The following CASP10 variants were observed in gnomAD, a reference collection of about 807,000 sequenced individuals.
CASP10 encodes caspase 10.
In CASP10, 41 loss-of-function variants were observed where a neutral mutation model predicts 48.5. The ratio of observed to expected loss-of-function variants is 0.85; its 90% CI spans 0.66 to 1.10. CASP10 has a LOEUF of 1.10. Ranked by LOEUF, CASP10 falls within the 50% of genes least tolerant of loss-of-function variation. CASP10 has a pLI of 0.00. For synonymous variants in CASP10, 232 were observed against 238.4 expected (o/e 0.97, Z 0.25); for missense variants, 614 against 614.5 (o/e 1.00, Z 0.01).
Position 201,186,122 on chromosome 2 carries a change from T to C in CASP10, c.345T>C (p.Phe115=). The C allele has an allele frequency of 6.2e-7, 1 of 1,610,500 alleles. No homozygotes were observed. Among genetic ancestry groups the C allele is most frequent in the Non-Finnish European group, 8.5e-7 (1 of 1,178,732 alleles). The part of the protein sequence containing the change: ...LLPTRQRVSL[F]RNLLYELSEG... The stretch of plus-strand genomic sequence containing the variant: ...CCACCCGACAAAGGGTTTCTCTGTT[T>C]AGGTGAGGACGGGTCTGTGGTGGAG... The change falls in exon 2 of 10, where the codon TTT becomes TTC. Residue 115 remains phenylalanine, a splice_region_variant and synonymous_variant. Coordinates refer to ENST00000286186, the MANE Select transcript of CASP10 (RefSeq NM_032977.4).
At chr2:201,228,009 GGCT>G (rs978303879) in intron 9 of CASP10, among the ~76,000 whole-genome samples, 26 of 152,186 alleles carry the variant, frequency 1.7e-4, no homozygotes, top group African/African-American at 5.5e-4. Context: ...TATTGGATAA[GGCT>G]GCTATTTCAC....
chr2:201,221,721 A>C (rs1269335876), downstream of CASP10: 6 of 152,132 alleles, frequency 3.9e-5, no homozygotes, highest in Non-Finnish European at 5.9e-5. Flanking sequence ...CATCAGGAGC[A>C]TTTGGGGTTT....
chr2:201,213,565 G>A (rs1437420409), intron 9 of CASP10: 1 of 152,144 alleles, frequency 6.6e-6, no homozygotes, highest in African/African-American at 2.4e-5. Flanking sequence ...GGTAGGGCAA[G>A]GTTGGTGAGA....
In CASP10 at chr2:201,187,694, T is replaced by C. The variant is rs1944462410; in HGVS notation, c.348-12T>C. ...GTAAGGCTTTATTTGTCATTTTGGG[T>C]GTGTGTCTTAGAAACCTGCTCTACG... On this transcript the variant is annotated splice_polypyrimidine_tract_variant and intron_variant, in intron 2 of 9. Coordinates refer to ENST00000286186, the MANE Select transcript of CASP10 (RefSeq NM_032977.4). The C allele has an allele frequency of 6.2e-7, 1 of 1,600,264 alleles. No individual in the cohort carries two copies. Among genetic ancestry groups the C allele is most frequent in the South Asian group, 1.1e-5 (1 of 90,830 alleles).
chr2:201,217,970 G>A lies in CASP10; in HGVS notation c.*229G>A, dbSNP rs961494978. 1.3e-5 allele frequency: 15 copies of A among 1,197,008 alleles called. No individual in the cohort carries two copies. In the East Asian group the frequency reaches 4.8e-4, roughly 38 times the overall value. 74.1% of individuals were successfully genotyped at this position (1,197,008 alleles called of 1,614,324 possible). A position where few individuals can be genotyped will look rare whatever the true frequency, so the allele number is the denominator to read the frequency against. ...ATTCTGTCACCCAGACTGGAGTGCA[G>A]GGGGGCAATCACGGCTCACTGTAGT... On this transcript the variant is annotated 3_prime_UTR_variant, in exon 10 of 10. Coordinates refer to ENST00000286186, the MANE Select transcript of CASP10 (RefSeq NM_032977.4).
downstream of CASP10, among the ~76,000 whole-genome samples, chr2:201,224,612 C>G (rs368765280): frequency 6.6e-5 from 10 of 152,170 alleles, no homozygotes; most frequent in East Asian, 5.8e-4. Context: ...ATACATATTT[C>G]AGACAGGTAT....
Position 201,221,186 on chromosome 2 carries a change from CT to C in CASP10, c.*3446del, listed in dbSNP as rs1228395060. 7.1e-6 allele frequency: 7 copies of C among 985,310 alleles called. No individual in the cohort carries two copies. In the Admixed American group the frequency reaches 2.5e-4, roughly 35 times the overall value. The allele number at this position is 985,310 out of a possible 1,614,324, so 61.0% of individuals were successfully genotyped here. ...CGGCAACTCAGCACTAGCATTACCC[CT>C]GACATACTCTGAGTAAGATCTAATT... On this transcript the variant is annotated 3_prime_UTR_variant, in exon 10 of 10. Transcript: ENST00000286186.
chr2:201,186,050 G>A lies in CASP10; in HGVS notation c.273G>A (p.Leu91=), dbSNP rs767039731. 1.2e-6 allele frequency: 2 copies of A among 1,612,876 alleles called. No individual in the cohort carries two copies. The highest frequency in any genetic ancestry group is 1.7e-6 in the Non-Finnish European group (2 of 1,180,010). Residue 91 remains leucine, a synonymous_variant, in exon 2 of 10, where the codon CTG becomes CTA. Coordinates refer to ENST00000286186, the MANE Select transcript of CASP10 (RefSeq NM_032977.4). The stretch of plus-strand genomic sequence containing the variant: ...TCTATATCATACGGCAGAAGAAGCT[G>A]CTGCAGCACCTCAACTGTACCAAAG... ...ELLYIIRQKK[L]LQHLNCTKEE... is the part of the protein sequence containing the mutation.
chr2:201,209,994 C>A (rs1384774592), intron 9 of CASP10, among the ~76,000 whole-genome samples: 5 of 152,140 alleles, frequency 3.3e-5, no homozygotes, highest in African/African-American at 1.2e-4. Context: ...AGAATGAGTA[C>A]CTTGCCCAGA....
rs1944987300 is a variant in CASP10, at chr2:201,200,671, T to C, written c.685-3059T>C. 4 of 1,403,756 alleles carry C rather than the reference T, an allele frequency of 2.8e-6. No individual in the cohort carries two copies. In the Admixed American group the frequency reaches 1.2e-4, roughly 40 times the overall value. The allele number at this position is 1,403,756 out of a possible 1,614,324, so 87.0% of individuals were successfully genotyped here. On this transcript the variant is annotated intron_variant, in intron 5 of 9. Coordinates refer to ENST00000286186, the MANE Select transcript of CASP10 (RefSeq NM_032977.4). ...GGAATCTCAGCTTTGGGAGGCCACT[T>C]TGTAAGTGATCTTAAGAGATTAAGT... is the stretch of plus-strand genomic sequence containing the variant.
intron 4 of CASP10, 26 bp downstream of exon 4, chr2:201,193,145 G>C: frequency 6.2e-7 from 1 of 1,609,730 alleles, no homozygotes; most frequent in Non-Finnish European, 8.5e-7. Flanking sequence ...TTGCTAACTT[G>C]GACCAGACCA....
chr2:201,198,686 G>A (rs968293321), intron 5 of CASP10, among the ~76,000 whole-genome samples: 3 of 151,380 alleles, frequency 2.0e-5, no homozygotes, highest in East Asian at 3.9e-4. Context: ...GACCACAGGC[G>A]CCCGCCACCA....
exon 10 of CASP10, chr2:201,229,064 G>A (rs763258839): frequency 1.2e-6 from 2 of 1,614,198 alleles, no homozygotes; most frequent in South Asian, 2.2e-5. Context: ...CCCATGCGCA[G>A]GTGGAGCAGC....
chr2:201,198,874 T>C lies in CASP10; in HGVS notation c.684+2926T>C, dbSNP rs1944909776. ...TTCTTAAAAATTCTTTTATGGCTTC[T>C]TTACTATTGTCATGGTCTGATATTT... On this transcript the variant is annotated intron_variant, in intron 5 of 9. Coordinates refer to ENST00000286186, the MANE Select transcript of CASP10 (RefSeq NM_032977.4). 2.0e-5 allele frequency among the ~76,000 whole-genome samples: 3 copies of C among 152,198 alleles called. No individual in the cohort carries two copies. In the South Asian group the frequency reaches 6.2e-4, roughly 31 times the overall value.
At chr2:201,191,028 A>C (rs1187128971) in intron 3 of CASP10, among the ~76,000 whole-genome samples, 3 of 151,452 alleles carry the variant, frequency 2.0e-5, no homozygotes, top group African/African-American at 4.9e-5. Flanking sequence ...CACCCAGCTA[A>C]TTTTTGTATT....
intron 5 of CASP10, among the ~76,000 whole-genome samples, chr2:201,198,425 A>G (rs1427039714): frequency 6.7e-6 from 1 of 149,710 alleles, no homozygotes; most frequent in African/African-American, 2.5e-5. Flanking sequence ...GGGTTTCACT[A>G]TGTTGGCCAG....
chr2:201,219,696 G>A lies in CASP10; in HGVS notation c.*1955G>A, dbSNP rs139807893. 726 of 972,114 alleles carry A rather than the reference G, an allele frequency of 7.5e-4. 2 individuals carry two copies. In the African/African-American group the frequency reaches 8.4e-3, roughly 11 times the overall value. The allele number at this position is 972,114 out of a possible 1,614,324, so 60.2% of individuals were successfully genotyped here. On this transcript the variant is annotated 3_prime_UTR_variant, in exon 10 of 10. Coordinates refer to ENST00000286186, the MANE Select transcript of CASP10 (RefSeq NM_032977.4). ...TCATTAAGATTTTGAGCATTTTTACGTACTTGAGCTTTTTTTTTTTTTTTT... is the reference window on the plus strand; with the variant it reads ...TCATTAAGATTTTGAGCATTTTTACATACTTGAGCTTTTTTTTTTTTTTTT...
chr2:201,222,043 A>G (rs548473900), downstream of CASP10, among the ~76,000 whole-genome samples: 1 of 152,268 alleles, frequency 6.6e-6, no homozygotes, highest in East Asian at 1.9e-4. Context: ...GAGTTCAGGA[A>G]TAACAGGTGA....
intron 4 of CASP10, chr2:201,193,366 C>T: frequency 7.8e-6 from 3 of 382,586 alleles, no homozygotes; most frequent in Non-Finnish European, 1.0e-5. Flanking sequence ...TGCCACCACG[C>T]CTGGCTAATT....
Sources: gnomAD v4.1 joint callset for allele counts (sites outside exome capture counted in the v4.1 genomes callset) on GRCh38, gnomAD v4.1.1 for gene constraint, MANE v1.5 for transcripts, NCBI Gene and HGNC (gene_info 2026-07-23, HGNC 2026-07-21) for gene names.